The following AOPEP variants were observed in gnomAD, a reference collection of about 807,000 sequenced individuals.
AOPEP encodes aminopeptidase O (putative), also known as aminopeptidase O.
Under a neutral mutation model 98.1 loss-of-function variants are expected in AOPEP, and 77 were observed. The observed-to-expected ratio is 0.78, with a 90% CI of 0.65 to 0.95. The LOEUF is 0.95. Among genes scored for constraint, AOPEP ranks in the 40% least tolerant of loss-of-function variants. The probability of loss-of-function intolerance (pLI) is 0.00; values close to 1 mark genes in which losing one functional copy is unlikely to be tolerated. For synonymous variants in AOPEP, 346 were observed against 365.3 expected (o/e 0.95, Z 0.60); for missense variants, 1,024 against 1,024.7 (o/e 1.00, Z 0.01).
intron 5 of AOPEP, among the ~76,000 whole-genome samples, chr9:94,803,380 C>T (rs1172921775): frequency 6.6e-6 from 1 of 151,998 alleles, no homozygotes; most frequent in African/African-American, 2.4e-5. Context: ...TTAAACATTC[C>T]CTCATGAACT....
the AOPEP span, chr9:95,114,104 C>T: frequency 5.4e-6 from 1 of 186,298 alleles, no homozygotes; most frequent in Non-Finnish European, 1.1e-5. Context: ...TTAAAACAAA[C>T]CAACCAACCC....
At chr9:95,059,254 G>C (rs559898894) in intron 13 of AOPEP, among the ~76,000 whole-genome samples, 3 of 152,348 alleles carry the variant, frequency 2.0e-5, no homozygotes, top group Non-Finnish European at 4.4e-5. Flanking sequence ...AAGGCGCCTT[G>C]TTTCTCCTGA....
intron 7 of AOPEP, among the ~76,000 whole-genome samples, chr9:94,939,755 T>A (rs1407210550): frequency 1.3e-5 from 2 of 152,220 alleles, no homozygotes; most frequent in Non-Finnish European, 2.9e-5. Flanking sequence ...CTCAGTATCC[T>A]CGGGGCATTG....
rs768266783 is a variant in AOPEP at position 94,980,256 on chromosome 9, C to T, written c.1977+829C>T. Among the ~76,000 whole-genome samples the T allele has an allele frequency of 1.4e-4, 22 of 152,352 alleles. 1 individual carries two copies. The highest frequency in any genetic ancestry group is 3.8e-4 in the African/African-American group (16 of 41,574). On this transcript the variant is annotated intron_variant, in intron 11 of 16. Coordinates refer to ENST00000375315, the MANE Select transcript of AOPEP (RefSeq NM_001193329.3). The surrounding 1 kb of genome is among the most constrained non-coding windows in gnomAD (Gnocchi z 4.3). ...AAGTCTGAGGGTGGGATCCCAGATG[C>T]GCGGTCAGAGGACCCTGCAGGCTGG...
chr9:95,112,518 T>C, the AOPEP span, among the ~76,000 whole-genome samples: 1 of 152,220 alleles, frequency 6.6e-6, no homozygotes, highest in South Asian at 2.1e-4. Context: ...AACAGAGACA[T>C]GTCCCTCTTT....
chr9:94,943,938 A>C (rs1047330224), intron 7 of AOPEP, among the ~76,000 whole-genome samples: 6 of 150,902 alleles, frequency 4.0e-5, no homozygotes, highest in South Asian at 2.1e-4. Flanking sequence ...AAAAAAAAAA[A>C]AAAAAAAAAC....
At chr9:95,013,440 A>T (rs2062726352) in intron 13 of AOPEP, among the ~76,000 whole-genome samples, 1 of 145,254 alleles carries the variant, frequency 6.9e-6, no homozygotes, top group African/African-American at 2.5e-5. Context: ...AAATACCTGT[A>T]AGACAGTCGG....
At chr9:94,796,005 C>T (rs1846841661) in intron 4 of AOPEP, among the ~76,000 whole-genome samples, 2 of 152,202 alleles carry the variant, frequency 1.3e-5, no homozygotes, top group South Asian at 4.1e-4. Flanking sequence ...CACCCAGTTA[C>T]CAGCCCAGCT....
intron 11 of AOPEP, chr9:95,004,156 A>G (rs992446822): frequency 1.5e-5 from 7 of 452,240 alleles, no homozygotes; most frequent in Non-Finnish European, 3.1e-5. Flanking sequence ...AGACCCAGCA[A>G]GCAACAGGAC....
chr9:95,057,673 T>C (rs934392982), intron 13 of AOPEP, among the ~76,000 whole-genome samples: 2 of 152,250 alleles, frequency 1.3e-5, no homozygotes, highest in African/African-American at 4.8e-5. Context: ...CTTTATTAGT[T>C]TTATTGTCTG....
chr9:95,065,689 AG>A (rs1168427718), intron 14 of AOPEP, among the ~76,000 whole-genome samples: 2 of 152,226 alleles, frequency 1.3e-5, no homozygotes, highest in Non-Finnish European at 2.9e-5. Flanking sequence ...ATGCTTTTAT[AG>A]GGTAAAATAC....
At chr9:95,149,906 A>G in the AOPEP span, 1 of 1,585,862 alleles carries the variant, frequency 6.3e-7, no homozygotes, top group Non-Finnish European at 8.6e-7. Context: ...GGATGACAGG[A>G]AACATTTGCC....
chr9:95,051,879 A>G (rs2066403161), intron 13 of AOPEP, among the ~76,000 whole-genome samples: 1 of 151,912 alleles, frequency 6.6e-6, no homozygotes, highest in Non-Finnish European at 1.5e-5. Flanking sequence ...CATTTTTTGT[A>G]TTTTTAGTAG....
chr9:94,868,108 C>T (rs1458250738), intron 5 of AOPEP, among the ~76,000 whole-genome samples: 2 of 152,168 alleles, frequency 1.3e-5, no homozygotes, highest in Non-Finnish European at 2.9e-5. Context: ...TGCAAATGAA[C>T]GAATCCAATG....
At chr9:94,874,917 A>G (rs2046745178) in intron 5 of AOPEP, among the ~76,000 whole-genome samples, 1 of 152,128 alleles carries the variant, frequency 6.6e-6, no homozygotes. Flanking sequence ...AGGCAACTAT[A>G]TTATTTATAA....
intron 5 of AOPEP, among the ~76,000 whole-genome samples, chr9:94,850,363 T>C (rs2043400372): frequency 6.6e-6 from 1 of 152,188 alleles, no homozygotes; most frequent in Non-Finnish European, 1.5e-5. Flanking sequence ...ACAGATGTGG[T>C]CCTGCCTGTT....
At chr9:95,108,990 C>G in the AOPEP span, among the ~76,000 whole-genome samples, 1 of 151,946 alleles carries the variant, frequency 6.6e-6, no homozygotes, top group African/African-American at 2.4e-5. Context: ...ACTGCAACCT[C>G]TGCCTCCTGA....
intron 5 of AOPEP, among the ~76,000 whole-genome samples, chr9:94,814,544 C>T (rs747356942): frequency 2.0e-5 from 3 of 152,098 alleles, no homozygotes; most frequent in African/African-American, 7.2e-5. Flanking sequence ...AGAATGACTC[C>T]CCATTTCTAG....
At chr9:95,119,918 C>T in the AOPEP span, among the ~76,000 whole-genome samples, 1 of 152,174 alleles carries the variant, frequency 6.6e-6, no homozygotes, top group South Asian at 2.1e-4. Context: ...TACTTTGTTG[C>T]CCAGGCTGGT....
Sources: gnomAD v4.1 joint callset for allele counts (sites outside exome capture counted in the v4.1 genomes callset) on GRCh38, gnomAD v4.1.1 for gene constraint, Gnocchi (gnomAD v3.1) non-coding constraint, MANE v1.5 for transcripts, NCBI Gene and HGNC (gene_info 2026-07-23, HGNC 2026-07-21) for gene names.